The following DLGAP2 variants were observed in gnomAD, a reference collection of about 807,000 sequenced individuals.
DLGAP2 encodes disks large-associated protein 2.
Under a neutral mutation model 100.3 loss-of-function variants are expected in DLGAP2, and 26 were observed. The observed-to-expected ratio is 0.26, with a 90% CI of 0.19 to 0.36. The LOEUF (loss-of-function observed/expected upper bound fraction) is 0.36. Among genes scored for constraint, DLGAP2 ranks in the 10% least tolerant of loss-of-function variants. DLGAP2 has a pLI of 1.00. For synonymous variants in DLGAP2, 886 were observed against 630.1 expected, an observed-to-expected ratio of 1.41 and a Z score of -6.08; for missense variants, 1,858 against 1,453.2, an observed-to-expected ratio of 1.28 and a Z score of -4.53.
At position 1,701,377 on chromosome 8, in the gene DLGAP2, T is replaced by C; in HGVS notation, c.3139T>C (p.Tyr1047His). 1 of 1,597,688 alleles carries C rather than the reference T, an allele frequency of 6.3e-7. No homozygotes were observed. Among genetic ancestry groups the C allele is most frequent in the Non-Finnish European group, 8.5e-7 (1 of 1,173,040 alleles). Residue 1047 changes from tyrosine to histidine, a missense_variant, in exon 15 of 15, where the codon TAC (tyrosine) becomes CAC (histidine). Physicochemically the swap from Tyr to His is moderately conservative, Grantham distance 83. Coordinates refer to ENST00000637795, the MANE Select transcript of DLGAP2 (RefSeq NM_001346810.2). ...ASERADSIEI[Y>H]IPEAQTRL The stretch of plus-strand genomic sequence containing the variant: ...CGAGCGCGCGGACAGCATCGAGATC[T>C]ACATCCCCGAGGCCCAGACCCGGCT...
At position 1,705,103 on chromosome 8, in the gene DLGAP2, C is replaced by T. The variant is rs1267711166; in HGVS notation, c.*3697C>T. On this transcript the variant is annotated 3_prime_UTR_variant, in exon 15 of 15. Coordinates refer to ENST00000637795, the MANE Select transcript of DLGAP2 (RefSeq NM_001346810.2). ...AGGAAAGTGAAGGGATACTGCAGGCCTGTGTTTGCAGCGCCTGTGGTAACT... is the reference window on the plus strand; with the variant it reads ...AGGAAAGTGAAGGGATACTGCAGGCTTGTGTTTGCAGCGCCTGTGGTAACT... The T allele has an allele frequency of 1.3e-5, 2 of 152,218 alleles. No individual in the cohort carries two copies. Among genetic ancestry groups the T allele is most frequent in the East Asian group, 3.8e-4 (2 of 5,196 alleles). 9.4% of individuals were successfully genotyped at this position (152,218 alleles called of 1,614,324 possible).
intron 2 of DLGAP2, among the ~76,000 whole-genome samples, chr8:918,896 A>T (rs1798650347): frequency 6.6e-6 from 1 of 152,204 alleles, no homozygotes; most frequent in Non-Finnish European, 1.5e-5. Context: ...TAAACATTCA[A>T]ATCTGAAGAC....
intron 2 of DLGAP2, among the ~76,000 whole-genome samples, chr8:1,127,568 A>G (rs1265739488): frequency 1.3e-5 from 2 of 152,156 alleles, no homozygotes; most frequent in Non-Finnish European, 2.9e-5. Flanking sequence ...CATCCGATGG[A>G]CATTGCTGAA....
At chr8:1,136,971 C>T (rs1796427834) in intron 2 of DLGAP2, among the ~76,000 whole-genome samples, 1 of 152,194 alleles carries the variant, frequency 6.6e-6, no homozygotes, top group African/African-American at 2.4e-5. Context: ...AACTGTAATC[C>T]TGCCTCTCAA....
intron 12 of DLGAP2, among the ~76,000 whole-genome samples, chr8:1,679,610 T>C (rs1798895389): frequency 2.0e-5 from 3 of 152,260 alleles, no homozygotes. Context: ...TACTCACCTA[T>C]GCCTCTGCTT....
Position 1,633,576 on chromosome 8 carries a change from C to T in DLGAP2, c.1810+530C>T, listed in dbSNP as rs536856102. ...AATTTCCTTTAGTTCTCATGGAAAA[C>T]CATACCCACCCCTTTGAAAATTTAC... On this transcript the variant is annotated intron_variant, in intron 8 of 14. Coordinates refer to ENST00000637795, the MANE Select transcript of DLGAP2 (RefSeq NM_001346810.2). Among the ~76,000 whole-genome samples the T allele has an allele frequency of 6.8e-4, 104 of 152,316 alleles. No homozygotes were observed. The South Asian group carries it at 0.014, about 21-fold the overall frequency.
chr8:770,661 G>A (rs1025688567), intron 1 of DLGAP2, among the ~76,000 whole-genome samples: 15 of 151,988 alleles, frequency 9.9e-5, no homozygotes, highest in African/African-American at 3.1e-4. Flanking sequence ...TCTCTCCTTC[G>A]TGCTGACCTC....
At chr8:1,236,365 G>A (rs374575582) in intron 2 of DLGAP2, among the ~76,000 whole-genome samples, 5 of 52,928 alleles carry the variant, frequency 9.4e-5, no homozygotes, top group South Asian at 6.0e-4. Context: ...CTCCCATGGC[G>A]CCGTGTCTAG....
chr8:1,673,104 A>G (rs1036782042), intron 10 of DLGAP2, among the ~76,000 whole-genome samples: 3 of 151,916 alleles, frequency 2.0e-5, no homozygotes, highest in African/African-American at 7.3e-5. Flanking sequence ...GCACCCATAT[A>G]TTTTTCAAAA....
intron 14 of DLGAP2, among the ~76,000 whole-genome samples, chr8:1,698,412 C>T (rs1325187596): frequency 1.7e-4 from 26 of 149,624 alleles, no homozygotes; most frequent in Non-Finnish European, 3.3e-4. Context: ...TAGGCAGGTC[C>T]AAGTAAGCCA....
chr8:1,659,821 T>G (rs1056340548), intron 8 of DLGAP2, among the ~76,000 whole-genome samples: 1 of 152,206 alleles, frequency 6.6e-6, no homozygotes, highest in Admixed American at 6.5e-5. Flanking sequence ...GTCTTTTAAC[T>G]GGGGCATTTA....
chr8:1,335,377 G>A (rs545007028), intron 3 of DLGAP2, among the ~76,000 whole-genome samples: 1 of 152,176 alleles, frequency 6.6e-6, no homozygotes, highest in East Asian at 1.9e-4. Context: ...CTCTAAGACA[G>A]TCCTGTTCAC....
intron 1 of DLGAP2, among the ~76,000 whole-genome samples, chr8:893,785 TG>T (rs1370666859): frequency 3.3e-5 from 5 of 152,228 alleles, no homozygotes; most frequent in Non-Finnish European, 7.3e-5. Context: ...GCTCTGGACA[TG>T]GGGGTCTCCA....
chr8:800,664 A>C (rs1398643132), intron 1 of DLGAP2, among the ~76,000 whole-genome samples: 1 of 151,912 alleles, frequency 6.6e-6, no homozygotes, highest in East Asian at 1.9e-4. Context: ...ATGCGTGTGC[A>C]TGTGTGTACA....
chr8:1,155,365 G>A (rs1026126573), intron 2 of DLGAP2, among the ~76,000 whole-genome samples: 1 of 152,304 alleles, frequency 6.6e-6, no homozygotes, highest in East Asian at 1.9e-4. Context: ...GGGCTGGGGG[G>A]TCTCCCCGGA....
intron 3 of DLGAP2, among the ~76,000 whole-genome samples, chr8:1,479,353 C>G (rs771239303): frequency 6.6e-6 from 1 of 152,246 alleles, no homozygotes; most frequent in Non-Finnish European, 1.5e-5. Flanking sequence ...CCCTCAGGCA[C>G]TCTGGGGACG....
chr8:794,097 C>G (rs1284721426), intron 1 of DLGAP2, among the ~76,000 whole-genome samples: 2 of 150,178 alleles, frequency 1.3e-5, no homozygotes, highest in African/African-American at 4.9e-5. Flanking sequence ...GTGTTTCTAG[C>G]TGCAGGACAG....
chr8:1,120,398 T>TG (rs1796010179), intron 2 of DLGAP2, among the ~76,000 whole-genome samples: 1 of 152,214 alleles, frequency 6.6e-6, no homozygotes. Flanking sequence ...GTCCTTCAGA[T>TG]ACCATGACAG....
intron 1 of DLGAP2, among the ~76,000 whole-genome samples, chr8:788,424 C>T (rs773453630): frequency 1.3e-5 from 2 of 152,148 alleles, no homozygotes; most frequent in Admixed American, 1.3e-4. Flanking sequence ...TAGTTGAGGC[C>T]TTGGCGTCTG....
Sources: gnomAD v4.1 joint callset for allele counts (sites outside exome capture counted in the v4.1 genomes callset) on GRCh38, gnomAD v4.1.1 for gene constraint, MANE v1.5 for transcripts, NCBI Gene and HGNC (gene_info 2026-07-23, HGNC 2026-07-21) for gene names.